CUBN: variants seen among roughly 807,000 people sequenced by gnomAD.
CUBN encodes cubilin, also known as 460 kDa receptor.
Under a neutral mutation model 405.3 loss-of-function variants are expected in CUBN, and 282 were observed. The observed-to-expected ratio is 0.70, with a 90% CI of 0.63 to 0.77. CUBN has a LOEUF of 0.77. Among genes scored for constraint, CUBN ranks in the 30% least tolerant of loss-of-function variants. The pLI, the probability that CUBN is intolerant of heterozygous loss-of-function variation, is 0.00. For synonymous variants in CUBN, 1,684 were observed against 1,617.0 expected (o/e 1.04, Z -0.99); for missense variants, 4,514 against 4,475.2 (o/e 1.01, Z -0.25).
chr10:17,068,872 T>C, intron 19 of CUBN, 102 bp from the exon 20 acceptor site: 7 of 968,784 alleles, frequency 7.2e-6, no homozygotes, highest in Non-Finnish European at 8.1e-6. Context: ...TACAAATCAA[T>C]TTGAGAATAC....
At chr10:16,846,275 G>A (rs922183380) in intron 60 of CUBN, among the ~76,000 whole-genome samples, 2 of 152,106 alleles carry the variant, frequency 1.3e-5, no homozygotes, top group Non-Finnish European at 2.9e-5. Context: ...TAACCCACCC[G>A]TATTTGTTTA....
intron 38 of CUBN, among the ~76,000 whole-genome samples, chr10:16,938,212 T>C (rs1277066068): frequency 1.3e-5 from 2 of 152,046 alleles, no homozygotes; most frequent in African/African-American, 4.8e-5. Context: ...ACAGGTATCC[T>C]AAAGGAGTCC....
rs1836372612 is a variant in CUBN, at chr10:17,096,211, T to A, written c.1765+3794A>T. Among the ~76,000 whole-genome samples the A allele has an allele frequency of 2.0e-5, 3 of 152,256 alleles. No individual in the cohort carries two copies. The South Asian group carries it at 6.2e-4, about 32-fold the overall frequency. Reference sequence around the variant, plus strand: ...GAATGAATAGCTTCTAGAGATCTAATGTACAGCATGGTGACTATCATTAAC... The same window carrying A: ...GAATGAATAGCTTCTAGAGATCTAAAGTACAGCATGGTGACTATCATTAAC... On this transcript the variant is annotated intron_variant, in intron 14 of 66. Transcript: ENST00000377833.
intron 17 of CUBN, among the ~76,000 whole-genome samples, chr10:17,077,495 G>A (rs553010968): frequency 6.6e-6 from 1 of 152,292 alleles, no homozygotes; most frequent in Admixed American, 6.5e-5. Flanking sequence ...GTCTTCCTCT[G>A]CTATGAATCC....
At chr10:16,965,627 G>A (rs1267158220) in intron 31 of CUBN, 1 of 151,566 alleles carries the variant, frequency 6.6e-6, no homozygotes, top group African/African-American at 2.4e-5. Flanking sequence ...TGGAAAGTAG[G>A]AAGTGAGGAA....
chr10:17,047,755 A>G (rs1835172913), intron 22 of CUBN, 152 bp from the exon 23 acceptor site: 2 of 701,098 alleles, frequency 2.9e-6, no homozygotes, highest in African/African-American at 3.6e-5. Context: ...TTCTGAAACA[A>G]AGTTTTTGTA....
intron 31 of CUBN, among the ~76,000 whole-genome samples, chr10:16,963,182 C>CTTTTTTTT (rs1176337605): frequency 3.3e-5 from 3 of 90,948 alleles, no homozygotes; most frequent in African/African-American, 1.3e-4. Flanking sequence ...TTTTTCTTTT[C>CTTTTTTTT]TTTTCTTTTT....
chr10:17,124,900 C>T (rs1026378500), intron 4 of CUBN, among the ~76,000 whole-genome samples: 12 of 151,744 alleles, frequency 7.9e-5, no homozygotes, highest in Non-Finnish European at 1.3e-4. Context: ...GGTATGATCT[C>T]AGCTCACTGC....
chr10:16,910,693 G>A (rs1841704297), intron 48 of CUBN, among the ~76,000 whole-genome samples: 1 of 151,906 alleles, frequency 6.6e-6, no homozygotes, highest in African/African-American at 2.4e-5. Flanking sequence ...TTAGTAAACA[G>A]GAGATAGGAA....
At chr10:16,896,926 C>T (rs1267978735) in intron 54 of CUBN, among the ~76,000 whole-genome samples, 2 of 152,192 alleles carry the variant, frequency 1.3e-5, no homozygotes, top group Non-Finnish European at 2.9e-5. Context: ...ATTCTATTCT[C>T]TGTCATCTCC....
chr10:16,949,022 G>C (rs1842855038), intron 34 of CUBN, among the ~76,000 whole-genome samples: 1 of 152,170 alleles, frequency 6.6e-6, no homozygotes, highest in African/African-American at 2.4e-5. Context: ...TGCTAGTTGT[G>C]TGATCCTAGG....
chr10:17,035,078 A>C (rs1452864322), intron 27 of CUBN, among the ~76,000 whole-genome samples: 1 of 68,690 alleles, frequency 1.5e-5, no homozygotes, highest in Non-Finnish European at 5.0e-5. Flanking sequence ...AAACCTATGG[A>C]TAAAAAAAAA....
chr10:16,915,783 A>T (rs1841865373), intron 46 of CUBN, 38 bp downstream of exon 46: 2 of 1,554,440 alleles, frequency 1.3e-6, no homozygotes, highest in African/African-American at 2.7e-5. Flanking sequence ...TACATGTGAA[A>T]ATAAACACCC....
At chr10:16,915,699 T>G in intron 46 of CUBN, 122 bp downstream of exon 46, 1 of 806,428 alleles carries the variant, frequency 1.2e-6, no homozygotes, top group South Asian at 1.4e-5. Flanking sequence ...AGCTCATTAG[T>G]CTGCACTTCT....
chr10:17,104,308 T>A, intron 12 of CUBN, 111 bp downstream of exon 12: 2 of 892,878 alleles, frequency 2.2e-6, no homozygotes, highest in South Asian at 2.8e-5. Context: ...TCTCAGTATC[T>A]GAGCAACTGG....
In CUBN at chr10:17,122,773, CAAA is replaced by C. The variant is rs35530629; in HGVS notation, c.593+19_593+21del. The C allele has an allele frequency of 8.6e-4, 1,092 of 1,268,178 alleles. No homozygotes were observed. The highest frequency in any genetic ancestry group is 1.0e-3 in the Non-Finnish European group (896 of 899,188). The allele number at this position is 1,268,178 out of a possible 1,614,324, so 78.6% of individuals were successfully genotyped here. A position where few individuals can be genotyped will look rare whatever the true frequency, so the allele number is the denominator to read the frequency against. ...CCTTCAAAAATATACTGATATTTACCAAAAAAAAAAAAAAAAGTTACCTGTAAC... is the reference window on the plus strand; with the variant it reads ...CCTTCAAAAATATACTGATATTTACCAAAAAAAAAAAAAGTTACCTGTAAC... On this transcript the variant is annotated intron_variant, in intron 6 of 66. Coordinates refer to ENST00000377833, the MANE Select transcript of CUBN (RefSeq NM_001081.4).
intron 28 of CUBN, among the ~76,000 whole-genome samples, chr10:16,996,939 A>G (rs1164108754): frequency 6.6e-6 from 1 of 152,262 alleles, no homozygotes; most frequent in African/African-American, 2.4e-5. Context: ...GTTGCTGTTA[A>G]AACGAAGCCA....
intron 62 of CUBN, among the ~76,000 whole-genome samples, chr10:16,839,480 A>G (rs548654060): frequency 4.6e-4 from 70 of 150,894 alleles, no homozygotes; most frequent in African/African-American, 1.6e-3. Flanking sequence ...CATCATCACT[A>G]GCCATCAGAG....
chr10:17,065,246 T>C (rs1470437969), intron 22 of CUBN, among the ~76,000 whole-genome samples: 1 of 151,864 alleles, frequency 6.6e-6, no homozygotes, highest in East Asian at 1.9e-4. Flanking sequence ...CTTCAGTGTA[T>C]TGTTCCTAAG....
Sources: gnomAD v4.1 joint callset for allele counts (sites outside exome capture counted in the v4.1 genomes callset) on GRCh38, gnomAD v4.1.1 for gene constraint, MANE v1.5 for transcripts, NCBI Gene and HGNC (gene_info 2026-07-23, HGNC 2026-07-21) for gene names.